The following ITGBL1 variants were observed in gnomAD, a reference collection of about 807,000 sequenced individuals.
ITGBL1 encodes integrin beta-like protein 1.
Under a neutral mutation model 68.5 loss-of-function variants are expected in ITGBL1, and 51 were observed. The observed-to-expected ratio is 0.74, with a 90% CI of 0.59 to 0.94. The LOEUF (loss-of-function observed/expected upper bound fraction) is 0.94, where lower values mean the gene tolerates loss of function less well. Among genes scored for constraint, ITGBL1 ranks in the 40% least tolerant of loss-of-function variants. The pLI is 0.00. For synonymous variants in ITGBL1, 209 were observed against 227.3 expected, an observed-to-expected ratio of 0.92 and a Z score of 0.72; for missense variants, 649 against 647.4, an observed-to-expected ratio of 1.00 and a Z score of -0.03.
intron 2 of ITGBL1, among the ~76,000 whole-genome samples, chr13:101,542,447 A>T (rs577779100): frequency 6.6e-6 from 1 of 152,288 alleles, no homozygotes; most frequent in East Asian, 1.9e-4. Context: ...CCGTTCTTTT[A>T]CATTTGCTGA....
intron 6 of ITGBL1, among the ~76,000 whole-genome samples, chr13:101,593,597 A>G (rs946327453): frequency 1.3e-5 from 2 of 152,124 alleles, no homozygotes; most frequent in Admixed American, 1.3e-4. Flanking sequence ...AAAAAGAAAG[A>G]AATCCTGTCA....
chr13:101,641,249 C>T (rs568065826), intron 7 of ITGBL1, among the ~76,000 whole-genome samples: 3 of 152,212 alleles, frequency 2.0e-5, no homozygotes, highest in African/African-American at 7.2e-5. Context: ...TGTCTGAGTG[C>T]AACAGTAGGT....
At chr13:101,481,861 A>G (rs1336571412) in intron 2 of ITGBL1, among the ~76,000 whole-genome samples, 1 of 152,174 alleles carries the variant, frequency 6.6e-6, no homozygotes, top group African/African-American at 2.4e-5. Context: ...ATATATGTAT[A>G]CAATGTATAA....
At chr13:101,466,224 AT>A (rs1423250568) in intron 2 of ITGBL1, among the ~76,000 whole-genome samples, 1 of 152,186 alleles carries the variant, frequency 6.6e-6, no homozygotes, top group Non-Finnish European at 1.5e-5. Flanking sequence ...AATATTAGTA[AT>A]AGTAAAGTTC....
intron 7 of ITGBL1, among the ~76,000 whole-genome samples, chr13:101,609,497 G>C (rs543390851): frequency 7.3e-4 from 111 of 152,202 alleles, no homozygotes; most frequent in African/African-American, 2.6e-3. Context: ...TATGTGAAAA[G>C]AAATTATTAA....
chr13:101,495,723 A>AGG (rs552807253), intron 2 of ITGBL1, among the ~76,000 whole-genome samples: 1 of 152,016 alleles, frequency 6.6e-6, no homozygotes, highest in African/African-American at 2.4e-5. Context: ...AAGAAGATTA[A>AGG]GGGGGGGTCT....
Position 101,458,289 on chromosome 13 carries a change from T to C in ITGBL1, c.316+4189T>C, listed in dbSNP as rs142702262. ...ACATAAGCACTTGAGTACTGGGAGATTTTTTAATCCAAAAAGTGGACTGTT... is the reference window on the plus strand; with the variant it reads ...ACATAAGCACTTGAGTACTGGGAGACTTTTTAATCCAAAAAGTGGACTGTT... On this transcript the variant is annotated intron_variant, in intron 2 of 10. Coordinates refer to ENST00000376180, the MANE Select transcript of ITGBL1 (RefSeq NM_004791.3). Among the ~76,000 whole-genome samples the C allele has an allele frequency of 4.8e-3, 733 of 152,244 alleles. 6 individuals carry two copies. Among genetic ancestry groups the C allele is most frequent in the African/African-American group, 0.017 (694 of 41,536 alleles).
At chr13:101,539,050 C>T (rs374590021) in intron 2 of ITGBL1, among the ~76,000 whole-genome samples, 1,945 of 99,632 alleles carry the variant, frequency 0.02, 63 homozygotes, top group African/African-American at 0.069. Flanking sequence ...TGTGCTGCTT[C>T]TTTTTTTTTT....
rs1362130737 is a variant in ITGBL1, at chr13:101,479,762, G to A, written c.316+25662G>A. ...CAAATCAAAGCTACAATGAGATATC[G>A]TTTCACCCCAGTTAAAGTGGCTTTA... On this transcript the variant is annotated intron_variant, in intron 2 of 10. Transcript: ENST00000376180. Among the ~76,000 whole-genome samples, 5 of 151,964 alleles carry A rather than the reference G, an allele frequency of 3.3e-5. No individual in the cohort carries two copies. In the East Asian group the frequency reaches 5.8e-4, roughly 18 times the overall value.
intron 2 of ITGBL1, among the ~76,000 whole-genome samples, chr13:101,553,766 G>A (rs1261803420): frequency 2.6e-5 from 4 of 151,444 alleles, no homozygotes; most frequent in African/African-American, 7.3e-5. Context: ...TGTGCCTGCC[G>A]CTGTGTCCAT....
intron 7 of ITGBL1, among the ~76,000 whole-genome samples, chr13:101,671,437 G>GTTTTTTTTTTTTT (rs1491455482): frequency 3.4e-4 from 35 of 102,794 alleles, no homozygotes; most frequent in Non-Finnish European, 5.8e-4. Context: ...TTTTTTTTTT[G>GTTTTTTTTTTTTT]TTTTTTTTTG....
At chr13:101,525,349 C>T (rs552843526) in intron 2 of ITGBL1, among the ~76,000 whole-genome samples, 3 of 152,108 alleles carry the variant, frequency 2.0e-5, no homozygotes, top group East Asian at 3.9e-4. Flanking sequence ...ATGGCCTAAA[C>T]TATTTTAAGA....
chr13:101,461,598 T>C (rs2065766), intron 2 of ITGBL1, among the ~76,000 whole-genome samples: 2 of 151,918 alleles, frequency 1.3e-5, no homozygotes, highest in South Asian at 4.1e-4. Flanking sequence ...AGGAGGCTAA[T>C]ACAGGAGGCT....
chr13:101,545,710 A>G (rs1243012927), intron 2 of ITGBL1, among the ~76,000 whole-genome samples: 2 of 152,190 alleles, frequency 1.3e-5, no homozygotes, highest in Admixed American at 6.5e-5. Flanking sequence ...AAAAAAAGTC[A>G]TCTTCTTCAG....
intron 2 of ITGBL1, among the ~76,000 whole-genome samples, chr13:101,564,486 A>T (rs1057066888): frequency 5.7e-4 from 86 of 151,528 alleles, no homozygotes; most frequent in African/African-American, 2.0e-3. Context: ...TATCCAGGAG[A>T]TACGTACATA....
intron 2 of ITGBL1, among the ~76,000 whole-genome samples, chr13:101,518,643 TAGAC>T (rs891547805): frequency 1.3e-5 from 2 of 152,202 alleles, no homozygotes; most frequent in South Asian, 4.1e-4. Context: ...CAGTTTGTCT[TAGAC>T]AGGGATCCCC....
chr13:101,644,029 C>T (rs921072851), intron 7 of ITGBL1, among the ~76,000 whole-genome samples: 5 of 152,038 alleles, frequency 3.3e-5, no homozygotes, highest in Admixed American at 6.6e-5. Flanking sequence ...GTGGAAGATC[C>T]GGCAACTTTG....
At chr13:101,634,565 A>G (rs1421324962) in intron 7 of ITGBL1, among the ~76,000 whole-genome samples, 2 of 152,116 alleles carry the variant, frequency 1.3e-5, no homozygotes, top group African/African-American at 4.8e-5. Context: ...AGTTTTGAGA[A>G]TCCACTGGGC....
At chr13:101,513,318 G>T (rs1286097305) in intron 2 of ITGBL1, among the ~76,000 whole-genome samples, 2 of 152,192 alleles carry the variant, frequency 1.3e-5, no homozygotes, top group Non-Finnish European at 2.9e-5. Flanking sequence ...AGGTGATATT[G>T]ATGAGTCTGG....
Sources: gnomAD v4.1 joint callset for allele counts (sites outside exome capture counted in the v4.1 genomes callset) on GRCh38, gnomAD v4.1.1 for gene constraint, MANE v1.5 for transcripts, NCBI Gene and HGNC (gene_info 2026-07-23, HGNC 2026-07-21) for gene names.